MMP26: variants seen among roughly 807,000 people sequenced by gnomAD.
The protein encoded by MMP26 is matrix metallopeptidase 26.
Under a neutral mutation model 31.0 loss-of-function variants are expected in MMP26, and 33 were observed. The ratio of observed to expected loss-of-function variants is 1.06; its 90% CI spans 0.81 to 1.42. The LOEUF is 1.42. MMP26 is among the 40% of genes most tolerant of loss of function. The probability of loss-of-function intolerance (pLI) is 0.00; values close to 1 mark genes in which losing one functional copy is unlikely to be tolerated. For synonymous variants in MMP26, 122 were observed against 114.9 expected, an observed-to-expected ratio of 1.06 and a Z score of -0.40; for missense variants, 347 against 316.1, an observed-to-expected ratio of 1.10 and a Z score of -0.74.
chr11:4,872,281 T>G (rs543488832), intron 2 of MMP26, among the ~76,000 whole-genome samples: 1 of 152,234 alleles, frequency 6.6e-6, no homozygotes, highest in South Asian at 2.1e-4. Context: ...GGATATTGCT[T>G]GTGGTTTTTA....
intron 2 of MMP26, among the ~76,000 whole-genome samples, chr11:4,959,732 G>A (rs1035606904): frequency 1.3e-5 from 2 of 152,012 alleles, no homozygotes; most frequent in African/African-American, 4.8e-5. Context: ...TTGCCCTCAC[G>A]TATGTTACAA....
chr11:4,796,861 A>G (rs1671382802), intron 2 of MMP26, among the ~76,000 whole-genome samples: 1 of 152,052 alleles, frequency 6.6e-6, no homozygotes, highest in Admixed American at 6.6e-5. Flanking sequence ...ATAATACCTC[A>G]GGGCTAACTT....
At chr11:4,741,638 G>C (rs1218576361) in intron 1 of MMP26, among the ~76,000 whole-genome samples, 2 of 147,122 alleles carry the variant, frequency 1.4e-5, no homozygotes, top group Non-Finnish European at 3.0e-5. Context: ...ACACACATGA[G>C]GCCTGTTGGG....
Position 4,943,576 on chromosome 11 carries a change from G to A in MMP26, c.-144-44492G>A, listed in dbSNP as rs188155758. ...TGTACATTAAAGAATGGTTAGTAGC[G>A]TCTCCGGCCTCTAATCAGTGGAAGT... On this transcript the variant is annotated intron_variant, in intron 2 of 7. Coordinates refer to ENST00000380390, the MANE Select transcript of MMP26 (RefSeq NM_021801.5). 1.8e-4 allele frequency: 75 copies of A among 426,048 alleles called. No homozygotes were observed. The East Asian group carries it at 3.9e-3, about 22-fold the overall frequency. The allele number at this position is 426,048 out of a possible 1,614,324, so 26.4% of individuals were successfully genotyped here. A position where few individuals can be genotyped will look rare whatever the true frequency, so the allele number is the denominator to read the frequency against.
At chr11:4,804,095 G>A in intron 2 of MMP26, 2 of 1,614,102 alleles carry the variant, frequency 1.2e-6, no homozygotes, top group South Asian at 2.2e-5. Context: ...GCATGGTACT[G>A]AATCTCATGA....
intron 2 of MMP26, among the ~76,000 whole-genome samples, chr11:4,961,162 T>G (rs1043401068): frequency 6.6e-6 from 1 of 152,208 alleles, no homozygotes; most frequent in African/African-American, 2.4e-5. Flanking sequence ...TAAAGGATAT[T>G]TCTTCATTTA....
chr11:4,934,790 A>G (rs1372490910), intron 2 of MMP26, among the ~76,000 whole-genome samples: 6 of 150,304 alleles, frequency 4.0e-5, no homozygotes, highest in African/African-American at 1.5e-4. Context: ...AGCTTTCTAC[A>G]TATGGCTAGC....
chr11:4,923,362 CT>C (rs1851212318), intron 2 of MMP26: 1 of 1,524,950 alleles, frequency 6.6e-7, no homozygotes, highest in Non-Finnish European at 8.8e-7. Context: ...AACTTCCTCT[CT>C]TTACTCTAAC....
chr11:4,859,505 A>G (rs1850110325), intron 2 of MMP26: 3 of 358,672 alleles, frequency 8.4e-6, no homozygotes, highest in Non-Finnish European at 1.7e-5. Flanking sequence ...CCACTCCTGC[A>G]TTTCCCCAGA....
At chr11:4,946,252 A>C in intron 2 of MMP26, 2 of 1,614,012 alleles carry the variant, frequency 1.2e-6, no homozygotes, top group Non-Finnish European at 1.7e-6. Context: ...GTGGAGGTAC[A>C]AGTAGGAGAA....
At chr11:4,815,770 C>T (rs182796118) in intron 2 of MMP26, among the ~76,000 whole-genome samples, 10 of 152,148 alleles carry the variant, frequency 6.6e-5, no homozygotes, top group Admixed American at 3.3e-4. Context: ...TACAACAATC[C>T]GACATGCCTC....
At chr11:4,848,229 C>T (rs1171535572) in intron 2 of MMP26, 1 of 1,590,290 alleles carries the variant, frequency 6.3e-7, no homozygotes, top group East Asian at 2.2e-5. Flanking sequence ...CACGGAGGGA[C>T]ATCCTACTCA....
chr11:4,990,563 T>C (rs747496191), intron 4 of MMP26, 35 bp from the exon 5 acceptor site: 37 of 1,590,066 alleles, frequency 2.3e-5, no homozygotes, highest in Admixed American at 5.1e-5. Flanking sequence ...TTCCCATTCC[T>C]CTGAACTATT....
chr11:4,754,382 C>T (rs141179483), intron 1 of MMP26, among the ~76,000 whole-genome samples: 41 of 151,752 alleles, frequency 2.7e-4, no homozygotes, highest in Non-Finnish European at 4.6e-4. Flanking sequence ...ATGGCTCAGA[C>T]GTGAAACAAT....
intron 1 of MMP26, among the ~76,000 whole-genome samples, chr11:4,748,416 A>AG (rs199608726): frequency 6.6e-6 from 1 of 152,072 alleles, no homozygotes; most frequent in Non-Finnish European, 1.5e-5. Context: ...AAAATCAAGG[A>AG]GGGGGGAATT....
At chr11:4,794,954 C>G (rs1353751322) in intron 2 of MMP26, 1 of 152,242 alleles carries the variant, frequency 6.6e-6, no homozygotes, top group Non-Finnish European at 1.5e-5. Flanking sequence ...ATGAACACCT[C>G]TACTGTCCAG....
intron 2 of MMP26, chr11:4,803,347 A>G (rs1849209095): frequency 2.1e-6 from 2 of 940,382 alleles, no homozygotes; most frequent in Non-Finnish European, 3.2e-6. Flanking sequence ...TGACTTAGTG[A>G]TAATAAGTAA....
chr11:4,748,223 T>C (rs1342412390), intron 1 of MMP26, among the ~76,000 whole-genome samples: 4 of 151,970 alleles, frequency 2.6e-5, no homozygotes, highest in South Asian at 2.1e-4. Flanking sequence ...CCTGGAAATA[T>C]AACCTCCAAA....
chr11:4,979,290 C>A (rs571037786), intron 2 of MMP26, among the ~76,000 whole-genome samples: 1 of 152,192 alleles, frequency 6.6e-6, no homozygotes, highest in East Asian at 1.9e-4. Flanking sequence ...GTTCAGACTG[C>A]AAACCAATGA....
Sources: allele counts gnomAD v4.1 joint callset (sites outside exome capture counted in the v4.1 genomes callset), GRCh38; gene constraint gnomAD v4.1.1; transcripts MANE v1.5; gene names NCBI Gene and HGNC (gene_info 2026-07-23, HGNC 2026-07-21).